Variants in ADAMTSL1 observed in about 807,000 individuals in gnomAD.
ADAMTSL1 encodes the protein ADAMTS-like protein 1.
ADAMTSL1 carries 126 observed loss-of-function variants against 201.8 expected under a neutral mutation model. The ratio of observed to expected loss-of-function variants is 0.62; its 90% confidence interval spans 0.54 to 0.72. The LOEUF (loss-of-function observed/expected upper bound fraction) is 0.72, where lower values mean the gene tolerates loss of function less well. Among genes scored for constraint, ADAMTSL1 ranks in the 30% least tolerant of loss-of-function variants. The pLI, the probability that ADAMTSL1 is intolerant of heterozygous loss-of-function variation, is 0.00. For missense variants in ADAMTSL1, 2,679 were observed against 2,277.8 expected (o/e 1.18, Z -3.59); for synonymous variants, 1,121 against 903.4 (o/e 1.24, Z -4.32).
intron 1 of ADAMTSL1, among the ~76,000 whole-genome samples, 189 bp from the exon 2 acceptor site, chr9:18,504,640 A>G (rs1439146405): frequency 6.6e-6 from 1 of 152,116 alleles, no homozygotes; most frequent in African/African-American, 2.4e-5. Context: ...AGGGCCCTTA[A>G]ATTTAAATAT....
intron 20 of ADAMTSL1, among the ~76,000 whole-genome samples, chr9:18,811,349 C>T: frequency 6.6e-6 from 1 of 152,198 alleles, no homozygotes; most frequent in East Asian, 1.9e-4. Context: ...CCCTGCCGTG[C>T]CCACCTTTCC....
chr9:18,685,912 CT>C (rs1830802665), intron 13 of ADAMTSL1, among the ~76,000 whole-genome samples: 1 of 150,746 alleles, frequency 6.6e-6, no homozygotes, highest in Admixed American at 6.6e-5. Flanking sequence ...TTAGAAAACA[CT>C]TTTTTTCCCT....
At chr9:18,009,874 C>G (rs1303257221) in intron 1 of ADAMTSL1, among the ~76,000 whole-genome samples, 1 of 152,064 alleles carries the variant, frequency 6.6e-6, no homozygotes, top group African/African-American at 2.4e-5. Context: ...TACTCAGTCA[C>G]AAACATGCCA....
chr9:17,914,939 T>C (rs1826035446), intron 1 of ADAMTSL1, among the ~76,000 whole-genome samples: 1 of 152,218 alleles, frequency 6.6e-6, no homozygotes, highest in Non-Finnish European at 1.5e-5. Context: ...GTTTTTTTTG[T>C]TATCCTCCTG....
intron 2 of ADAMTSL1, among the ~76,000 whole-genome samples, chr9:18,207,925 G>T (rs1464457100): frequency 2.6e-5 from 4 of 152,126 alleles, no homozygotes; most frequent in African/African-American, 9.7e-5. Flanking sequence ...TTTGGCTCTA[G>T]AGAGAAGCAC....
At chr9:17,995,866 C>G (rs1819353996) in intron 1 of ADAMTSL1, among the ~76,000 whole-genome samples, 1 of 151,664 alleles carries the variant, frequency 6.6e-6, no homozygotes, top group African/African-American at 2.4e-5. Context: ...CTGCTACCTC[C>G]TGGACTTTGA....
chr9:18,594,407 A>G (rs1178565074), intron 4 of ADAMTSL1, among the ~76,000 whole-genome samples: 1 of 152,028 alleles, frequency 6.6e-6, no homozygotes, highest in East Asian at 1.9e-4. Context: ...ACTTTTTTGA[A>G]TATTGTCTCT....
intron 2 of ADAMTSL1, among the ~76,000 whole-genome samples, chr9:18,169,731 A>C (rs1412355177): frequency 6.6e-6 from 1 of 152,102 alleles, no homozygotes; most frequent in Non-Finnish European, 1.5e-5. Context: ...GGCTATTTTC[A>C]TGATATTGAT....
In ADAMTSL1 at chr9:18,777,456, G is replaced by A. The variant is rs1327348023; in HGVS notation, c.3227G>A (p.Arg1076Gln). The A allele has an allele frequency of 4.4e-6, 7 of 1,595,438 alleles. No homozygotes were observed. Among genetic ancestry groups the A allele is most frequent in the South Asian group, 1.1e-5 (1 of 88,298 alleles). Residue 1076 changes from arginine (R) to glutamine (Q), a missense_variant, in exon 19 of 29, where the codon CGG (arginine) becomes CAG (glutamine). By Grantham distance (43) the Arg-to-Gln change is conservative (BLOSUM62 1). Coordinates refer to ENST00000380548, the MANE Select transcript of ADAMTSL1 (RefSeq NM_001040272.6). ...CCCTTCACCATGGTGACCGAGCAGC[G>A]GCGCCTGGACGACATCCTGGGGAAC... Reference protein sequence around the residue: ...HLPFTMVTEQRRLDDILGNLS... With the variant: ...HLPFTMVTEQQRLDDILGNLS...
intron 16 of ADAMTSL1, among the ~76,000 whole-genome samples, chr9:18,761,871 C>T (rs1820088541): frequency 6.6e-6 from 1 of 152,216 alleles, no homozygotes. Flanking sequence ...ATTTACTCAG[C>T]TAGATGGCTG....
intron 4 of ADAMTSL1, among the ~76,000 whole-genome samples, chr9:18,621,779 C>T (rs191774341): frequency 4.6e-5 from 7 of 152,266 alleles, no homozygotes; most frequent in East Asian, 1.9e-4. Context: ...CCCACCCTTA[C>T]GCAGCATACG....
At chr9:18,436,365 C>T (rs1310845588) in intron 2 of ADAMTSL1, among the ~76,000 whole-genome samples, 1 of 152,180 alleles carries the variant, frequency 6.6e-6, no homozygotes, top group Admixed American at 6.5e-5. Context: ...TCCTCAAGCA[C>T]ATCACTCTTT....
intron 13 of ADAMTSL1, among the ~76,000 whole-genome samples, chr9:18,690,725 C>G (rs1487185923): frequency 1.3e-5 from 2 of 152,204 alleles, no homozygotes; most frequent in Non-Finnish European, 2.9e-5. Flanking sequence ...ACTGGCCAGA[C>G]AGCATCAACC....
intron 1 of ADAMTSL1, among the ~76,000 whole-genome samples, chr9:18,148,356 G>C (rs1328812193): frequency 6.7e-6 from 1 of 148,984 alleles, no homozygotes; most frequent in African/African-American, 2.4e-5. Flanking sequence ...AAAAAAACAT[G>C]GATGATTAAC....
At chr9:18,564,390 A>G (rs1253771652) in intron 3 of ADAMTSL1, among the ~76,000 whole-genome samples, 1 of 151,974 alleles carries the variant, frequency 6.6e-6, no homozygotes, top group Non-Finnish European at 1.5e-5. Context: ...TCAGTTGGAA[A>G]TGCCGAAATC....
At chr9:18,139,642 C>T (rs1826310771) in intron 1 of ADAMTSL1, among the ~76,000 whole-genome samples, 2 of 152,112 alleles carry the variant, frequency 1.3e-5, no homozygotes, top group Admixed American at 1.3e-4. Context: ...TGCCATGCTA[C>T]ATATACAAAA....
chr9:18,030,947 T>G (rs1820925775), intron 1 of ADAMTSL1, among the ~76,000 whole-genome samples: 1 of 152,176 alleles, frequency 6.6e-6, no homozygotes, highest in African/African-American at 2.4e-5. Flanking sequence ...GAGCTTGGTC[T>G]AGTCTGTTAT....
chr9:18,646,699 T>C (rs1827833884), intron 7 of ADAMTSL1, among the ~76,000 whole-genome samples: 1 of 151,934 alleles, frequency 6.6e-6, no homozygotes, highest in African/African-American at 2.4e-5. Context: ...CATTTATTGA[T>C]TTGCATATAT....
intron 1 of ADAMTSL1, among the ~76,000 whole-genome samples, chr9:18,486,239 AGGTATTC>A (rs1182037760): frequency 6.6e-6 from 1 of 152,212 alleles, no homozygotes; most frequent in Non-Finnish European, 1.5e-5. Context: ...AAATTATTGA[AGGTATTC>A]GGGAACAACC....
Sources: gnomAD v4.1 joint callset for allele counts (sites outside exome capture counted in the v4.1 genomes callset) on GRCh38, gnomAD v4.1.1 for gene constraint, MANE v1.5 for transcripts, NCBI Gene and HGNC (gene_info 2026-07-23, HGNC 2026-07-21) for gene names.